SLC26A3: variants seen among roughly 807,000 people sequenced by gnomAD.
SLC26A3 encodes the protein chloride anion exchanger.
SLC26A3 carries 64 observed loss-of-function variants against 85.6 expected under a neutral mutation model. That is an observed-to-expected ratio of 0.75 (90% CI 0.61 to 0.92). The LOEUF is 0.92. SLC26A3 is among the 40% of genes least tolerant of loss of function. SLC26A3 has a pLI of 0.00. For missense variants in SLC26A3, 922 were observed against 927.3 expected, an observed-to-expected ratio of 0.99 and a Z score of 0.07; for synonymous variants, 349 against 336.0, an observed-to-expected ratio of 1.04 and a Z score of -0.42.
intron 7 of SLC26A3, among the ~76,000 whole-genome samples, 197 bp downstream of exon 7, chr7:107,787,160 C>T (rs1456698835): frequency 1.3e-5 from 2 of 152,098 alleles, no homozygotes; most frequent in South Asian, 2.1e-4. Context: ...CCTTGTCTCA[C>T]GTGGAAAAAA....
intron 20 of SLC26A3, 77 bp from the exon 21 acceptor site, chr7:107,765,955 A>T: frequency 1.6e-6 from 2 of 1,275,326 alleles, no homozygotes; most frequent in Non-Finnish European, 2.3e-6. Flanking sequence ...AGGAGCTAGA[A>T]TTTACCAGAG....
rs778947363 is a variant in SLC26A3, at chr7:107,791,150, A to C, written c.468T>G (p.Thr156=). Residue 156 remains threonine, a synonymous_variant, in exon 5 of 21, where the codon ACT becomes ACG. Coordinates refer to ENST00000340010, the MANE Select transcript of SLC26A3 (RefSeq NM_000111.3). The part of the protein sequence containing the change: ...SKAVPDRNAT[T]LGLPNNSNNS... The stretch of plus-strand genomic sequence containing the variant: ...TATTCGAGTTGTTAGGCAATCCCAA[A>C]GTAGTTGCATTGCGATCTGGGACTG... 5 of 1,614,194 alleles carry C rather than the reference A, an allele frequency of 3.1e-6. No homozygotes were observed. The South Asian group carries it at 5.5e-5, about 18-fold the overall frequency.
chr7:107,776,396 A>G (rs2115820992), intron 15 of SLC26A3, 56 bp downstream of exon 15: 2 of 1,342,300 alleles, frequency 1.5e-6, no homozygotes, highest in South Asian at 2.3e-5. Context: ...GAACAATGAC[A>G]TTCCCAGAAT....
intron 12 of SLC26A3, among the ~76,000 whole-genome samples, chr7:107,779,033 T>C (rs985200469): frequency 6.6e-6 from 1 of 152,186 alleles, no homozygotes; most frequent in African/African-American, 2.4e-5. Flanking sequence ...CTTATACTAA[T>C]GTTTTACTCT....
intron 5 of SLC26A3, 42 bp downstream of exon 5, chr7:107,791,006 T>C: frequency 6.3e-7 from 1 of 1,597,948 alleles, no homozygotes; most frequent in African/African-American, 1.3e-5. Flanking sequence ...ACAGTCAAGA[T>C]GAACAGATTG....
Position 107,793,901 on chromosome 7 carries a change from C to T in SLC26A3, c.132-20G>A. The T allele has an allele frequency of 6.2e-7, 1 of 1,613,944 alleles. No individual in the cohort carries two copies. Among genetic ancestry groups the T allele is most frequent in the South Asian group, 1.1e-5 (1 of 91,058 alleles). On this transcript the variant is annotated intron_variant, in intron 2 of 20. Transcript: ENST00000340010. ...GAACAGCTGAAAACATGGAAAGCCACAGGTCAGTCAATTAATATCAAATTT... is the reference window on the plus strand; with the variant it reads ...GAACAGCTGAAAACATGGAAAGCCATAGGTCAGTCAATTAATATCAAATTT...
At chr7:107,789,454 G>A (rs1794355438) in intron 6 of SLC26A3, 70 bp downstream of exon 6, 1 of 1,470,450 alleles carries the variant, frequency 6.8e-7, no homozygotes, top group Admixed American at 1.8e-5. Context: ...GGCATTAAAG[G>A]AAAGCTCTCT....
chr7:107,785,189 A>T (rs574716966), intron 8 of SLC26A3, among the ~76,000 whole-genome samples: 1 of 152,300 alleles, frequency 6.6e-6, no homozygotes, highest in South Asian at 2.1e-4. Context: ...GTATTAACTC[A>T]CTCAACTCTT....
intron 1 of SLC26A3, among the ~76,000 whole-genome samples, chr7:107,802,042 A>G (rs1045427295): frequency 6.0e-5 from 9 of 150,416 alleles, no homozygotes; most frequent in African/African-American, 2.2e-4. Context: ...CAGTGAGCAG[A>G]GATTGTGCCA....
At chr7:107,766,827 T>C (rs994396991) in intron 20 of SLC26A3, among the ~76,000 whole-genome samples, 3 of 151,602 alleles carry the variant, frequency 2.0e-5, no homozygotes, top group African/African-American at 7.3e-5. Context: ...CCTGTTGGGG[T>C]CACTTGGTAT....
rs77284908 is a variant in SLC26A3 at position 107,780,398 on chromosome 7, A to G, written c.1312-635T>C. Among the ~76,000 whole-genome samples, 112 of 152,312 alleles carry G rather than the reference A, an allele frequency of 7.4e-4. No individual in the cohort carries two copies. The East Asian group carries it at 0.02, about 28-fold the overall frequency. On this transcript the variant is annotated intron_variant, in intron 11 of 20. Coordinates refer to ENST00000340010, the MANE Select transcript of SLC26A3 (RefSeq NM_000111.3). ...CCTACAGCCAAGCTTCAGACTTCCA[A>G]TTCTTCCACAGCCAGAATGTGATCT...
Position 107,778,226 on chromosome 7 carries a change from A to G in SLC26A3, c.1463T>C (p.Leu488Pro). 6.2e-7 allele frequency: 1 copy of G among 1,614,098 alleles called. No individual in the cohort carries two copies. The highest frequency in any genetic ancestry group is 8.5e-7 in the Non-Finnish European group (1 of 1,179,986). Residue 488 changes from leucine (L) to proline (P), a missense_variant, in exon 13 of 21, where the codon CTG becomes CCG. Physicochemically the swap from Leu to Pro is moderately conservative, Grantham distance 98. Transcript: ENST00000340010. ...FTIVLGLGLG[L>P]AASVAFQLLT... ...CAGTTGAAATGCCACACTAGCTGCC[A>G]GGCCTAACCCGAGTCCCAGGACAAT... is the stretch of plus-strand genomic sequence containing the variant.
At chr7:107,782,737 A>T in intron 11 of SLC26A3, 60 bp downstream of exon 11, 2 of 1,482,298 alleles carry the variant, frequency 1.3e-6, no homozygotes, top group East Asian at 2.3e-5. Context: ...TTCAGAATTT[A>T]AGAACCGGGG....
At chr7:107,791,300 C>A in intron 4 of SLC26A3, 65 bp from the exon 5 acceptor site, 2 of 1,490,036 alleles carry the variant, frequency 1.3e-6, no homozygotes, top group Non-Finnish European at 1.9e-6. Flanking sequence ...CTTTCAACCA[C>A]AGAATAAGAC....
At chr7:107,792,848 A>G (rs1794426687) in intron 3 of SLC26A3, among the ~76,000 whole-genome samples, 1 of 152,260 alleles carries the variant, frequency 6.6e-6, no homozygotes, top group African/African-American at 2.4e-5. Context: ...ATATCTGACA[A>G]GGGTCTGGTA....
At chr7:107,796,902 A>G (rs1794511786) in intron 1 of SLC26A3, among the ~76,000 whole-genome samples, 1 of 151,744 alleles carries the variant, frequency 6.6e-6, no homozygotes, top group East Asian at 1.9e-4. Flanking sequence ...AGGAGTTCAC[A>G]GAAATTTATT....
At chr7:107,783,474 T>A in intron 8 of SLC26A3, 122 bp from the exon 9 acceptor site, 1 of 1,179,994 alleles carries the variant, frequency 8.5e-7, no homozygotes, top group Non-Finnish European at 1.2e-6. Flanking sequence ...GGAGTATGAT[T>A]AACGAGAATT....
chr7:107,787,616 A>G, intron 6 of SLC26A3, 107 bp from the exon 7 acceptor site: 3 of 917,094 alleles, frequency 3.3e-6, no homozygotes, highest in Non-Finnish European at 5.1e-6. Context: ...AAAGACTGAT[A>G]GAGACTGATA....
At chr7:107,770,756 C>G (rs899083051) in intron 18 of SLC26A3, among the ~76,000 whole-genome samples, 1 of 152,156 alleles carries the variant, frequency 6.6e-6, no homozygotes, top group East Asian at 1.9e-4. Flanking sequence ...GAATGCCCAT[C>G]ATGTCCTAGG....
Sources: gnomAD v4.1 joint callset for allele counts (sites outside exome capture counted in the v4.1 genomes callset) on GRCh38, gnomAD v4.1.1 for gene constraint, MANE v1.5 for transcripts, NCBI Gene and HGNC (gene_info 2026-07-23, HGNC 2026-07-21) for gene names.